Variants in COQ5 observed in about 807,000 individuals in gnomAD.
COQ5 encodes the protein 2-methoxy-6-polyprenyl-1,4-benzoquinol methylase, mitochondrial.
A neutral mutation model predicts 40.5 loss-of-function variants in COQ5; 27 were observed. The observed-to-expected ratio is 0.67, with a 90% CI of 0.49 to 0.92. COQ5 has a LOEUF of 0.92. Among genes scored for constraint, COQ5 ranks in the 40% least tolerant of loss-of-function variants. COQ5 has a pLI of 0.00. For synonymous variants in COQ5, 141 were observed against 150.0 expected, an observed-to-expected ratio of 0.94 and a Z score of 0.44; for missense variants, 409 against 406.4, an observed-to-expected ratio of 1.01 and a Z score of -0.06.
intron 1 of COQ5, among the ~76,000 whole-genome samples, chr12:120,524,520 A>C (rs1869847389): frequency 6.6e-6 from 1 of 152,054 alleles, no homozygotes; most frequent in African/African-American, 2.4e-5. Context: ...TCGGCCTCCC[A>C]AAGTGCTAGG....
At chr12:120,516,856 C>T (rs1869400054) in intron 2 of COQ5, 68 bp from the exon 3 acceptor site, 1 of 1,401,768 alleles carries the variant, frequency 7.1e-7, no homozygotes. Flanking sequence ...AACAGCATTT[C>T]CTAAAACCCA....
intron 1 of COQ5, among the ~76,000 whole-genome samples, chr12:120,528,617 C>A (rs1870075317): frequency 1.3e-5 from 2 of 151,952 alleles, no homozygotes; most frequent in Admixed American, 1.3e-4. Flanking sequence ...TCGAGACCAG[C>A]CTGGTGAAAC....
intron 3 of COQ5, among the ~76,000 whole-genome samples, chr12:120,510,738 G>C (rs1869092514): frequency 1.3e-5 from 2 of 152,154 alleles, no homozygotes; most frequent in South Asian, 4.1e-4. Context: ...GAATTTAGCA[G>C]AGTTTTACTG....
At chr12:120,505,185 T>A (rs1049764365) in intron 4 of COQ5, among the ~76,000 whole-genome samples, 3 of 152,184 alleles carry the variant, frequency 2.0e-5, no homozygotes, top group African/African-American at 7.2e-5. Context: ...TGCCGGTGAC[T>A]AGACAAAGTT....
intron 3 of COQ5, among the ~76,000 whole-genome samples, chr12:120,515,174 C>G (rs538230682): frequency 6.6e-6 from 1 of 152,218 alleles, no homozygotes; most frequent in Admixed American, 6.5e-5. Context: ...TCACTGCAGT[C>G]TCGACCTCCT....
At chr12:120,523,696 T>A (rs1347115274) in intron 1 of COQ5, among the ~76,000 whole-genome samples, 2 of 152,176 alleles carry the variant, frequency 1.3e-5, no homozygotes, top group Admixed American at 1.3e-4. Context: ...ATGGTTATTA[T>A]AATAAAAGAC....
intron 3 of COQ5, among the ~76,000 whole-genome samples, chr12:120,510,508 C>T (rs1482087735): frequency 6.6e-6 from 1 of 151,992 alleles, no homozygotes; most frequent in Non-Finnish European, 1.5e-5. Context: ...GAGACGAGGT[C>T]TCGTCATCTT....
intron 1 of COQ5, among the ~76,000 whole-genome samples, chr12:120,525,771 A>G (rs1483036504): frequency 6.6e-6 from 1 of 151,716 alleles, no homozygotes; most frequent in Non-Finnish European, 1.5e-5. Flanking sequence ...AAAAATACAA[A>G]AAAACTAGCT....
intron 4 of COQ5, among the ~76,000 whole-genome samples, chr12:120,507,375 C>A (rs1428830809): frequency 1.3e-5 from 2 of 151,200 alleles, no homozygotes; most frequent in Non-Finnish European, 3.0e-5. Context: ...ACCTCTGCCT[C>A]CCGGGTTCAA....
intron 1 of COQ5, among the ~76,000 whole-genome samples, chr12:120,524,395 G>A (rs946949257): frequency 3.2e-4 from 48 of 152,006 alleles, no homozygotes; most frequent in African/African-American, 1.1e-3. Flanking sequence ...CAAGTAGCTG[G>A]GACTACAGGC....
At chr12:120,513,434 G>A (rs1169828402) in intron 3 of COQ5, among the ~76,000 whole-genome samples, 4 of 151,054 alleles carry the variant, frequency 2.6e-5, no homozygotes, top group South Asian at 2.1e-4. Context: ...CCCGGGAGGC[G>A]GAGCTTGCAG....
At chr12:120,511,882 A>G (rs1024035270) in intron 3 of COQ5, among the ~76,000 whole-genome samples, 6 of 152,232 alleles carry the variant, frequency 3.9e-5, no homozygotes, top group Non-Finnish European at 8.8e-5. Flanking sequence ...TGGTTATATG[A>G]ATCATGAAAC....
intron 1 of COQ5, chr12:120,527,285 C>T (rs1869997168): frequency 1.3e-5 from 2 of 151,796 alleles, no homozygotes; most frequent in African/African-American, 4.8e-5. Context: ...GAGGTTTCAC[C>T]ACGTTGGCCA....
chr12:120,506,168 T>C lies in COQ5; in HGVS notation c.682-1185A>G, dbSNP rs369903497. 6.2e-4 allele frequency among the ~76,000 whole-genome samples: 95 copies of C among 152,234 alleles called. 4 individuals carry two copies. In the South Asian group the frequency reaches 0.019, roughly 31 times the overall value. ...CCATGCCTGGCCGGTTATTCACTTT[T>C]AAATAAAAAGTATAGGAAGCCATTG... On this transcript the variant is annotated intron_variant, in intron 4 of 6. Transcript: ENST00000288532.
In COQ5 at chr12:120,510,037, TC is replaced by T. The variant is rs1869056301; in HGVS notation, c.660del (p.Asn221MetfsTer16). ...FDIYTIAFGI[R>X]NVTHIDQALQ... is the part of the protein sequence containing the mutation. Reference sequence around the variant, plus strand: ...CATACCTGATCAATGTGTGTGACATTCCGGATCCCAAAGGCAATGGTGTAAA... The same window carrying T: ...CATACCTGATCAATGTGTGTGACATTCGGATCCCAAAGGCAATGGTGTAAA... On this transcript the variant is annotated frameshift_variant, in exon 4 of 7. Transcript: ENST00000288532. LOFTEE classifies it high-confidence loss of function. The T allele has an allele frequency of 3.7e-6, 6 of 1,614,030 alleles. No homozygotes were observed. In the South Asian group the frequency reaches 6.6e-5, roughly 18 times the overall value.
intron 1 of COQ5, among the ~76,000 whole-genome samples, chr12:120,524,721 ACT>A (rs1472380446): frequency 1.3e-5 from 2 of 151,832 alleles, no homozygotes; most frequent in Non-Finnish European, 2.9e-5. Context: ...TGAAAACATG[ACT>A]CTCTTCTGCT....
rs1869972812 is a variant in COQ5 at position 120,526,803 on chromosome 12, C to T, written c.202+2137G>A. ...GATCTCGGCTCACTGCAAGCTCCTCCTCCCGGGTTCATGCCATTCTCCTGC... is the reference window on the plus strand; with the variant it reads ...GATCTCGGCTCACTGCAAGCTCCTCTTCCCGGGTTCATGCCATTCTCCTGC... On this transcript the variant is annotated intron_variant, in intron 1 of 6. Transcript: ENST00000288532. The T allele has an allele frequency of 3.4e-5, 6 of 175,770 alleles. No homozygotes were observed. The South Asian group carries it at 4.5e-4, about 13-fold the overall frequency. 10.9% of individuals were successfully genotyped at this position (175,770 alleles called of 1,614,324 possible).
chr12:120,525,714 A>T (rs1869903612), intron 1 of COQ5, among the ~76,000 whole-genome samples: 1 of 151,938 alleles, frequency 6.6e-6, no homozygotes, highest in South Asian at 2.1e-4. Flanking sequence ...CACGAGGTCC[A>T]GAGATCGAGA....
intron 4 of COQ5, among the ~76,000 whole-genome samples, chr12:120,505,905 G>A (rs564281227): frequency 1.3e-5 from 2 of 151,812 alleles, no homozygotes; most frequent in African/African-American, 4.8e-5. Flanking sequence ...GCCCAGGCTA[G>A]AGTGCAATGG....
Sources: gnomAD v4.1 joint callset for allele counts (sites outside exome capture counted in the v4.1 genomes callset) on GRCh38, gnomAD v4.1.1 for gene constraint, MANE v1.5 for transcripts, NCBI Gene and HGNC (gene_info 2026-07-23, HGNC 2026-07-21) for gene names.